Variants in NTNG1 observed in about 807,000 individuals in gnomAD.
NTNG1 encodes netrin-G1.
In NTNG1, 16 loss-of-function variants were observed where a neutral mutation model predicts 54.0. That is an observed-to-expected ratio of 0.30 (90% CI 0.20 to 0.45). The LOEUF (loss-of-function observed/expected upper bound fraction) is 0.45, where lower values mean the gene tolerates loss of function less well. NTNG1 is among the 20% of genes least tolerant of loss of function. NTNG1 has a pLI of 1.00. For synonymous variants in NTNG1, 255 were observed against 263.1 expected (o/e 0.97, Z 0.30); for missense variants, 530 against 678.7 (o/e 0.78, Z 2.43).
chr1:107,444,882 C>T (rs975426407), intron 7 of NTNG1, among the ~76,000 whole-genome samples: 2 of 152,042 alleles, frequency 1.3e-5, no homozygotes, highest in East Asian at 1.9e-4. Flanking sequence ...TCTTTTCTTA[C>T]GTAAGTACAT....
At position 107,418,629 on chromosome 1, in the gene NTNG1, T is replaced by G. The variant is rs754732303; in HGVS notation, c.1087+10921T>G. ...GGCCGAATATTTCTTCCCTTGAGGT[T>G]TCTAACCCAAAACAAGGTAGGAGCA... On this transcript the variant is annotated intron_variant, in intron 5 of 7. Coordinates refer to ENST00000370068, the MANE Select transcript of NTNG1 (RefSeq NM_001113226.3). The G allele has an allele frequency of 1.9e-6, 3 of 1,600,824 alleles. No homozygotes were observed. In the South Asian group the frequency reaches 3.4e-5, roughly 18 times the overall value.
intron 2 of NTNG1, among the ~76,000 whole-genome samples, chr1:107,167,722 T>C (rs948222900): frequency 2.0e-5 from 3 of 152,054 alleles, no homozygotes; most frequent in Non-Finnish European, 2.9e-5. Flanking sequence ...CTTAAATGCC[T>C]AACATGTATT....
At chr1:107,171,136 C>G (rs564641897) in intron 2 of NTNG1, among the ~76,000 whole-genome samples, 2 of 152,080 alleles carry the variant, frequency 1.3e-5, no homozygotes, top group East Asian at 1.9e-4. Flanking sequence ...ACTCTGTGCC[C>G]TTTTTAATAT....
intron 2 of NTNG1, among the ~76,000 whole-genome samples, chr1:107,222,072 CCTT>C (rs1660382281): frequency 6.6e-6 from 1 of 151,776 alleles, no homozygotes; most frequent in African/African-American, 2.4e-5. Context: ...CTTTGAATCT[CCTT>C]CTCTTCACCA....
chr1:107,206,816 T>C (rs1220361326), intron 2 of NTNG1, among the ~76,000 whole-genome samples: 1 of 152,166 alleles, frequency 6.6e-6, no homozygotes, highest in African/African-American at 2.4e-5. Context: ...CTTTTACTCA[T>C]GGAGCATTTA....
chr1:107,165,088 G>A (rs1211073305), intron 2 of NTNG1, among the ~76,000 whole-genome samples: 3 of 152,134 alleles, frequency 2.0e-5, no homozygotes, highest in Non-Finnish European at 4.4e-5. Context: ...CAGAGAAGGT[G>A]ACCAGGAGTG....
chr1:107,364,104 T>C (rs563766536), intron 3 of NTNG1, among the ~76,000 whole-genome samples: 1 of 152,320 alleles, frequency 6.6e-6, no homozygotes, highest in African/African-American at 2.4e-5. Flanking sequence ...TATGTCATAA[T>C]GATATTAATA....
intron 3 of NTNG1, among the ~76,000 whole-genome samples, chr1:107,373,559 C>T (rs940959857): frequency 1.1e-4 from 16 of 149,810 alleles, no homozygotes; most frequent in African/African-American, 3.9e-4. Flanking sequence ...TGCAGAATTC[C>T]GTATGTTATC....
At position 107,484,603 on chromosome 1, in the gene NTNG1, A is replaced by G. The variant is rs1678919003; in HGVS notation, c.*3763A>G. ...AACACAAAGAAAGGTCCAGGTTGGA[A>G]GAAGGCGTCTGCTCCACAGTTCAGC... On this transcript the variant is annotated 3_prime_UTR_variant, in exon 8 of 8. Coordinates refer to ENST00000370068, the MANE Select transcript of NTNG1 (RefSeq NM_001113226.3). 6.6e-6 allele frequency among the ~76,000 whole-genome samples: 1 copy of G among 152,216 alleles called. No homozygotes were observed. Among genetic ancestry groups the G allele is most frequent in the Admixed American group, 6.5e-5 (1 of 15,288 alleles).
At chr1:107,468,205 G>A (rs1677729254) in intron 7 of NTNG1, among the ~76,000 whole-genome samples, 1 of 152,070 alleles carries the variant, frequency 6.6e-6, no homozygotes, top group South Asian at 2.1e-4. Context: ...AATCCTAAGA[G>A]GGCTTAGACC....
intron 7 of NTNG1, among the ~76,000 whole-genome samples, chr1:107,439,274 T>TTGTGTGTGTGTG (rs1172478492): frequency 7.4e-4 from 46 of 62,518 alleles, no homozygotes; most frequent in East Asian, 5.0e-4. Context: ...GTTCCAGAAC[T>TTGTGTGTGTGTG]TGCGTGTGTG....
At chr1:107,316,874 T>G (rs1667366725) in intron 2 of NTNG1, among the ~76,000 whole-genome samples, 1 of 152,194 alleles carries the variant, frequency 6.6e-6, no homozygotes, top group African/African-American at 2.4e-5. Flanking sequence ...AGCTAACGAA[T>G]TTGGAACACA....
chr1:107,214,713 T>C (rs920523196), intron 2 of NTNG1, among the ~76,000 whole-genome samples: 2 of 152,182 alleles, frequency 1.3e-5, no homozygotes, highest in South Asian at 4.1e-4. Context: ...TTCACACTGT[T>C]TGTCATAGTG....
At chr1:107,390,157 G>A (rs988781487) in intron 3 of NTNG1, among the ~76,000 whole-genome samples, 1 of 152,112 alleles carries the variant, frequency 6.6e-6, no homozygotes, top group African/African-American at 2.4e-5. Context: ...GAAGTGCCCT[G>A]GTGCCTCACC....
chr1:107,209,909 T>C (rs1659492801), intron 2 of NTNG1, among the ~76,000 whole-genome samples: 1 of 148,858 alleles, frequency 6.7e-6, no homozygotes, highest in South Asian at 2.1e-4. Context: ...TTTTTTTTTC[T>C]GTTTAAGTTG....
intron 2 of NTNG1, among the ~76,000 whole-genome samples, chr1:107,227,570 A>G (rs534994900): frequency 6.6e-6 from 1 of 152,230 alleles, no homozygotes; most frequent in East Asian, 1.9e-4. Flanking sequence ...GCAGGCATCC[A>G]AATGGGCTAA....
intron 3 of NTNG1, among the ~76,000 whole-genome samples, chr1:107,374,012 A>G (rs917639569): frequency 1.3e-5 from 2 of 152,144 alleles, no homozygotes; most frequent in African/African-American, 4.8e-5. Flanking sequence ...ACAGACTTCT[A>G]TTTTGAAAGA....
intron 3 of NTNG1, among the ~76,000 whole-genome samples, chr1:107,392,139 G>A (rs1570849264): frequency 6.6e-6 from 1 of 152,068 alleles, no homozygotes; most frequent in Admixed American, 6.6e-5. Context: ...CTGAAGCCTG[G>A]GAGAGAGATC....
intron 5 of NTNG1, among the ~76,000 whole-genome samples, chr1:107,414,000 A>G (rs1674023356): frequency 6.6e-6 from 1 of 152,210 alleles, no homozygotes; most frequent in South Asian, 2.1e-4. Context: ...CATCCACAAA[A>G]TGACTTGAAA....
Sources: allele counts gnomAD v4.1 joint callset (sites outside exome capture counted in the v4.1 genomes callset), GRCh38; gene constraint gnomAD v4.1.1; transcripts MANE v1.5; gene names NCBI Gene and HGNC (gene_info 2026-07-23, HGNC 2026-07-21).